The following SLA2 variants were observed in gnomAD, a reference collection of about 807,000 sequenced individuals.
SLA2 encodes Src like adaptor 2.
A neutral mutation model predicts 27.3 loss-of-function variants in SLA2; 22 were observed. The observed-to-expected ratio is 0.81, with a 90% CI of 0.58 to 1.15. SLA2 has a LOEUF of 1.15. Ranked by LOEUF, SLA2 falls within the 50% of genes most tolerant of loss-of-function variation. The pLI is 0.00. For missense variants in SLA2, 304 were observed against 322.2 expected (o/e 0.94, Z 0.43); for synonymous variants, 131 against 137.8 (o/e 0.95, Z 0.34).
chr20:36,635,445 G>A (rs1257569406), intron 2 of SLA2, among the ~76,000 whole-genome samples: 1 of 151,436 alleles, frequency 6.6e-6, no homozygotes, highest in African/African-American at 2.4e-5. Flanking sequence ...AGGAAGTGGG[G>A]CAGGGGAAGC....
intron 5 of SLA2, among the ~76,000 whole-genome samples, chr20:36,626,818 C>T (rs184007011): frequency 1.4e-4 from 21 of 146,242 alleles, no homozygotes; most frequent in Non-Finnish European, 1.9e-4. Flanking sequence ...GCATTCCAGC[C>T]TGGGCGACAG....
chr20:36,630,124 T>C (rs967023124), intron 5 of SLA2, among the ~76,000 whole-genome samples: 1 of 152,198 alleles, frequency 6.6e-6, no homozygotes, highest in Non-Finnish European at 1.5e-5. Flanking sequence ...CTGTGGCTTC[T>C]GAAGCTCCAG....
Position 36,613,764 on chromosome 20 carries a change from CTCCCTCCCTGAGTGCACAG to C in SLA2, c.*83_*101del. 1.8e-6 allele frequency: 1 copy of C among 549,010 alleles called. No individual in the cohort carries two copies. Among genetic ancestry groups the C allele is most frequent in the Non-Finnish European group, 3.3e-6 (1 of 306,724 alleles). 34.0% of individuals were successfully genotyped at this position (549,010 alleles called of 1,614,324 possible). On this transcript the variant is annotated 3_prime_UTR_variant, in exon 8 of 8. Transcript: ENST00000262866. ...CCTAGATGCACCTCTGTGTCCCACC[CTCCCTCCCTGAGTGCACAG>C]CCTTGCCTCTGGGGTGCCCAGGAGG...
At chr20:36,633,755 G>A (rs930582667) in intron 3 of SLA2, 126 bp from the exon 4 acceptor site, 2 of 727,018 alleles carry the variant, frequency 2.8e-6, no homozygotes, top group Middle Eastern at 2.6e-4. Flanking sequence ...CTGTTTCCCA[G>A]GCTTCCCTGC....
chr20:36,626,948 A>ATGGGAAGGCGATAGCC (rs2039345284), intron 5 of SLA2, among the ~76,000 whole-genome samples: 1 of 147,964 alleles, frequency 6.8e-6, no homozygotes, highest in African/African-American at 2.6e-5. Flanking sequence ...TTGACATAGT[A>ATGGGAAGGCGATAGCC]TGGGAAGGCG....
chr20:36,633,436 C>G, intron 4 of SLA2, 107 bp downstream of exon 4: 1 of 943,900 alleles, frequency 1.1e-6, no homozygotes, highest in East Asian at 2.4e-5. Context: ...GGGTTCGATT[C>G]TCCCCCATCC....
chr20:36,617,369 A>T (rs1282845905), intron 5 of SLA2, among the ~76,000 whole-genome samples: 3 of 151,632 alleles, frequency 2.0e-5, no homozygotes, highest in Non-Finnish European at 4.4e-5. Context: ...CATCTCAATT[A>T]AAAAAATAAA....
At chr20:36,621,204 C>A in intron 5 of SLA2, 1 of 479,192 alleles carries the variant, frequency 2.1e-6, no homozygotes, top group Non-Finnish European at 4.1e-6. Flanking sequence ...GTGGCGGTGG[C>A]GGAGGATATG....
At chr20:36,639,391 AT>A (rs952970799) in intron 2 of SLA2, among the ~76,000 whole-genome samples, 1 of 148,610 alleles carries the variant, frequency 6.7e-6, no homozygotes, top group African/African-American at 2.5e-5. Flanking sequence ...CTCAAAAAAA[AT>A]CTCTACACAC....
At chr20:36,626,399 A>ACAC (rs1555792412) in intron 5 of SLA2, among the ~76,000 whole-genome samples, 1 of 147,228 alleles carries the variant, frequency 6.8e-6, no homozygotes, top group Non-Finnish European at 1.5e-5. Flanking sequence ...TAAAAAAAAA[A>ACAC]AAACACACAC....
At chr20:36,629,080 T>C (rs1208857672) in intron 5 of SLA2, among the ~76,000 whole-genome samples, 1 of 151,788 alleles carries the variant, frequency 6.6e-6, no homozygotes, top group East Asian at 1.9e-4. Flanking sequence ...TTTTTTTTTT[T>C]TGAGACATAG....
At chr20:36,644,354 T>TC (rs1414685416) in intron 1 of SLA2, among the ~76,000 whole-genome samples, 1 of 152,022 alleles carries the variant, frequency 6.6e-6, no homozygotes, top group African/African-American at 2.4e-5. Flanking sequence ...CATGCAAGCT[T>TC]CCCCCGTCTC....
intron 1 of SLA2, among the ~76,000 whole-genome samples, chr20:36,644,183 C>T (rs981121945): frequency 1.3e-5 from 2 of 152,036 alleles, no homozygotes; most frequent in Admixed American, 6.6e-5. Flanking sequence ...TGGGGTCTTG[C>T]TGTGTTGCCC....
intron 5 of SLA2, among the ~76,000 whole-genome samples, chr20:36,615,929 GAATA>G (rs2039204782): frequency 6.6e-6 from 1 of 152,172 alleles, no homozygotes; most frequent in Non-Finnish European, 1.5e-5. Flanking sequence ...CTCAAGAGTA[GAATA>G]AATTGTGGAT....
chr20:36,634,369 G>T (rs980107997), intron 3 of SLA2, 121 bp downstream of exon 3: 21 of 678,562 alleles, frequency 3.1e-5, no homozygotes, highest in African/African-American at 2.9e-4. Flanking sequence ...TTGCAGCCTT[G>T]AGCTCCCGAG....
intron 5 of SLA2, among the ~76,000 whole-genome samples, chr20:36,617,584 G>T (rs1218402908): frequency 6.6e-6 from 1 of 151,626 alleles, no homozygotes; most frequent in Non-Finnish European, 1.5e-5. Flanking sequence ...TGGGCCGGGC[G>T]CGGTGGCTCA....
intron 4 of SLA2, 84 bp from the exon 5 acceptor site, chr20:36,632,782 A>G: frequency 9.3e-7 from 1 of 1,073,122 alleles, no homozygotes. Context: ...CCGCTGAGTG[A>G]CCCTCACAAG....
intron 5 of SLA2, among the ~76,000 whole-genome samples, chr20:36,623,124 C>T (rs1307055155): frequency 6.6e-6 from 1 of 152,074 alleles, no homozygotes; most frequent in Non-Finnish European, 1.5e-5. Context: ...GAAAAATTAG[C>T]TGGGCATGAT....
At chr20:36,626,489 G>T (rs560689005) in intron 5 of SLA2, among the ~76,000 whole-genome samples, 1 of 151,658 alleles carries the variant, frequency 6.6e-6, no homozygotes, top group Non-Finnish European at 1.5e-5. Context: ...GCTTGGGCCT[G>T]GGAGGTGGAG....
Sources: gnomAD v4.1 joint callset for allele counts (sites outside exome capture counted in the v4.1 genomes callset) on GRCh38, gnomAD v4.1.1 for gene constraint, MANE v1.5 for transcripts, NCBI Gene and HGNC (gene_info 2026-07-23, HGNC 2026-07-21) for gene names.